Variants in WNT2B observed in about 807,000 individuals in gnomAD.
WNT2B encodes the protein protein Wnt-2b.
WNT2B carries 19 observed loss-of-function variants against 40.5 expected under a neutral mutation model. That is an observed-to-expected ratio of 0.47 (90% CI 0.33 to 0.69). WNT2B has a LOEUF of 0.69. Among genes scored for constraint, WNT2B ranks in the 30% least tolerant of loss-of-function variants. The pLI is 0.02. For synonymous variants in WNT2B, 220 were observed against 211.9 expected (o/e 1.04, Z -0.33); for missense variants, 467 against 556.4 (o/e 0.84, Z 1.62).
Position 112,528,234 on chromosome 1 carries a change from A to G in WNT2B, c.*7725A>G, listed in dbSNP as rs1653781803. ...GGCATTCTAAATAGAGGGAACTGGTATGTGCTGAAACTTAGAAGCAGGAAT... is the reference window on the plus strand; with the variant it reads ...GGCATTCTAAATAGAGGGAACTGGTGTGTGCTGAAACTTAGAAGCAGGAAT... On this transcript the variant is annotated 3_prime_UTR_variant, in exon 5 of 5. Transcript: ENST00000369684. The G allele has an allele frequency of 1.3e-5, 2 of 152,242 alleles. No individual in the cohort carries two copies. Among genetic ancestry groups the G allele is most frequent in the South Asian group, 4.1e-4 (2 of 4,832 alleles). The allele number at this position is 152,242 out of a possible 1,614,324, so 9.4% of individuals were successfully genotyped here.
chr1:112,482,268 G>A (rs183637604), intron 1 of WNT2B, among the ~76,000 whole-genome samples: 95 of 152,158 alleles, frequency 6.2e-4, no homozygotes, highest in African/African-American at 2.1e-3. Flanking sequence ...GCAGTGAGTC[G>A]TGATTGTGCT....
chr1:112,506,760 G>A (rs1056333772), upstream of WNT2B, among the ~76,000 whole-genome samples: 10 of 152,332 alleles, frequency 6.6e-5, no homozygotes, highest in East Asian at 1.9e-4. Context: ...GAGCCCACCC[G>A]ACAAAAAGAA....
chr1:112,487,918 A>C (rs1651468086), intron 1 of WNT2B, among the ~76,000 whole-genome samples: 1 of 140,948 alleles, frequency 7.1e-6, no homozygotes, highest in Non-Finnish European at 1.5e-5. Flanking sequence ...TGGGTGACAC[A>C]GAGAGGCTCT....
upstream of WNT2B, among the ~76,000 whole-genome samples, chr1:112,504,077 TG>T (rs2101076382): frequency 7.1e-6 from 1 of 140,488 alleles, no homozygotes; most frequent in East Asian, 2.1e-4. Flanking sequence ...ACAGGCAGAC[TG>T]GGAACCCTCC....
At chr1:112,491,050 A>C (rs1213966036) in intron 1 of WNT2B, 2 of 1,613,994 alleles carry the variant, frequency 1.2e-6, no homozygotes, top group Admixed American at 1.7e-5. Context: ...TGGCATACCT[A>C]CACAGTCAGC....
rs1437695715 is a variant in WNT2B at position 112,509,817 on chromosome 1, C to T, written c.182+373C>T. Among the ~76,000 whole-genome samples the T allele has an allele frequency of 3.3e-5, 5 of 152,196 alleles. No homozygotes were observed. The highest frequency in any genetic ancestry group is 7.3e-5 in the Non-Finnish European group (5 of 68,038). On this transcript the variant is annotated intron_variant, in intron 1 of 4. Coordinates refer to ENST00000369684, the MANE Select transcript of WNT2B (RefSeq NM_024494.3). This position sits in a 1 kb window ranked among gnomAD's most constrained non-coding sequence, Gnocchi z 4.2. Reference sequence around the variant, plus strand: ...AGGGCCCGCAATAGCTTCGCCAGGGCCCCAATCGCCTAAGGTCGCCCTCTG... The same window carrying T: ...AGGGCCCGCAATAGCTTCGCCAGGGTCCCAATCGCCTAAGGTCGCCCTCTG...
At chr1:112,511,108 C>A (rs1441326852) in intron 1 of WNT2B, among the ~76,000 whole-genome samples, 1 of 152,128 alleles carries the variant, frequency 6.6e-6, no homozygotes, top group Non-Finnish European at 1.5e-5. Flanking sequence ...CCTAAAGACC[C>A]AAATGGGGGT....
Position 112,520,425 on chromosome 1 carries a change from T to C in WNT2B, c.1092T>C (p.Ala364=), listed in dbSNP as rs758448349. 2.5e-6 allele frequency: 4 copies of C among 1,614,090 alleles called. No homozygotes were observed. Among genetic ancestry groups the C allele is most frequent in the African/African-American group, 1.3e-5 (1 of 74,930 alleles). ...QCECKFHWCC[A]VRCKECRNTV... is the part of the protein sequence containing the mutation. ...AGTGCAAATTCCACTGGTGCTGTGC[T>C]GTACGGTGCAAGGAATGCAGAAATA... Residue 364 remains alanine (A), a synonymous_variant, in exon 5 of 5, where the codon GCT becomes GCC. Transcript: ENST00000369684.
Position 112,523,270 on chromosome 1 carries a change from G to A in WNT2B, c.*2761G>A, listed in dbSNP as rs1652979764. The A allele has an allele frequency of 6.6e-6, 1 of 152,184 alleles. No individual in the cohort carries two copies. The highest frequency in any genetic ancestry group is 1.5e-5 in the Non-Finnish European group (1 of 68,052). The allele number at this position is 152,184 out of a possible 1,614,324, so 9.4% of individuals were successfully genotyped here. On this transcript the variant is annotated 3_prime_UTR_variant, in exon 5 of 5. Coordinates refer to ENST00000369684, the MANE Select transcript of WNT2B (RefSeq NM_024494.3). ...GCTCCAAATTCTAGCTCATAAAGAT[G>A]CAAGTTTTGCAATTTCCTATAAATG...
At chr1:112,484,292 C>CACATATATATATATATATATATAT (rs1557909965) in intron 1 of WNT2B, among the ~76,000 whole-genome samples, 1 of 79,378 alleles carries the variant, frequency 1.3e-5, no homozygotes, top group East Asian at 3.3e-4. Flanking sequence ...TATATATATA[C>CACATATATATATATATATATATAT]ACACACATAT....
At chr1:112,500,341 T>A (rs1483089197) in intron 1 of WNT2B, among the ~76,000 whole-genome samples, 1 of 152,244 alleles carries the variant, frequency 6.6e-6, no homozygotes, top group East Asian at 1.9e-4. Context: ...ACTCTTTTCA[T>A]GCTTTTTGTT....
intron 1 of WNT2B, among the ~76,000 whole-genome samples, chr1:112,493,354 G>C (rs886640810): frequency 2.0e-5 from 3 of 152,184 alleles, no homozygotes; most frequent in African/African-American, 7.2e-5. Flanking sequence ...TAGACATGAT[G>C]GCTCACACCT....
At chr1:112,507,498 G>T (rs897117153), upstream of WNT2B, among the ~76,000 whole-genome samples, 3 of 152,190 alleles carry the variant, frequency 2.0e-5, no homozygotes, top group African/African-American at 7.2e-5. Flanking sequence ...CACTCTGCCC[G>T]CCCACAGAAG....
intron 1 of WNT2B, among the ~76,000 whole-genome samples, chr1:112,481,548 G>C (rs1651225078): frequency 6.6e-6 from 1 of 152,156 alleles, no homozygotes; most frequent in Non-Finnish European, 1.5e-5. Flanking sequence ...AGAAGTCCTA[G>C]CCAGAGCAAT....
At chr1:112,474,792 A>G (rs1198827755) in intron 1 of WNT2B, among the ~76,000 whole-genome samples, 2 of 152,192 alleles carry the variant, frequency 1.3e-5, no homozygotes, top group African/African-American at 4.8e-5. Flanking sequence ...GATCATGAGC[A>G]TGGATCCTTC....
At chr1:112,511,375 C>CT (rs1317583799) in intron 1 of WNT2B, among the ~76,000 whole-genome samples, 1 of 152,140 alleles carries the variant, frequency 6.6e-6, no homozygotes, top group Non-Finnish European at 1.5e-5. Flanking sequence ...CCTGTCATAG[C>CT]TACAGGCCCA....
upstream of WNT2B, among the ~76,000 whole-genome samples, chr1:112,507,321 A>G (rs991968863): frequency 1.3e-5 from 2 of 152,216 alleles, no homozygotes; most frequent in Non-Finnish European, 2.9e-5. Context: ...ATGAGGGCAT[A>G]GACTGTTCAC....
chr1:112,489,964 C>T (rs1168490547), intron 1 of WNT2B, among the ~76,000 whole-genome samples: 1 of 152,002 alleles, frequency 6.6e-6, no homozygotes. Context: ...CTAATACAAG[C>T]TTCATGTCAG....
chr1:112,469,852 G>A (rs1650819376), intron 1 of WNT2B, among the ~76,000 whole-genome samples: 1 of 152,152 alleles, frequency 6.6e-6, no homozygotes, highest in African/African-American at 2.4e-5. Flanking sequence ...AACCTCAGGT[G>A]ATCTACCTAT....
Sources: gnomAD v4.1 joint callset for allele counts (sites outside exome capture counted in the v4.1 genomes callset) on GRCh38, gnomAD v4.1.1 for gene constraint, Gnocchi (gnomAD v3.1) non-coding constraint, MANE v1.5 for transcripts, NCBI Gene and HGNC (gene_info 2026-07-23, HGNC 2026-07-21) for gene names.